The following ST8SIA1 variants were observed in gnomAD, a reference collection of about 807,000 sequenced individuals.
The protein encoded by ST8SIA1 is alpha-N-acetylneuraminide alpha-2,8-sialyltransferase.
Under a neutral mutation model 35.9 loss-of-function variants are expected in ST8SIA1, and 16 were observed. The observed-to-expected ratio is 0.45, with a 90% CI of 0.30 to 0.68. The LOEUF is 0.68. ST8SIA1 is among the 30% of genes least tolerant of loss of function. The pLI is 0.09. For synonymous variants in ST8SIA1, 170 were observed against 169.6 expected (o/e 1.00, Z -0.02); for missense variants, 383 against 453.6 (o/e 0.84, Z 1.41).
At chr12:22,281,368 C>G (rs533684906) in intron 2 of ST8SIA1, among the ~76,000 whole-genome samples, 1 of 152,246 alleles carries the variant, frequency 6.6e-6, no homozygotes, top group South Asian at 2.1e-4. Flanking sequence ...AAAGGCCAGG[C>G]TTAGGATCCA....
In ST8SIA1 at chr12:22,273,634, C is replaced by T. The variant is rs144211199; in HGVS notation, c.381+13515G>A. Among the ~76,000 whole-genome samples the T allele has an allele frequency of 3.8e-4, 58 of 152,296 alleles. 2 individuals carry two copies. Among genetic ancestry groups the T allele is most frequent in the African/African-American group, 1.4e-3 (57 of 41,564 alleles). On this transcript the variant is annotated intron_variant, in intron 2 of 4. Transcript: ENST00000396037. ...CTGCTTCCAATGTGAGGATTTTCCC[C>T]TCCACTCTCTATTAATGAACTCCAA...
intron 2 of ST8SIA1, among the ~76,000 whole-genome samples, chr12:22,261,353 G>A (rs1259867458): frequency 2.6e-5 from 4 of 152,012 alleles, no homozygotes; most frequent in Non-Finnish European, 5.9e-5. Context: ...CACCATGTTG[G>A]CCAGACTTCA....
intron 4 of ST8SIA1, among the ~76,000 whole-genome samples, chr12:22,240,051 A>G (rs886778356): frequency 6.6e-6 from 1 of 152,176 alleles, no homozygotes. Context: ...TGTATTAAAT[A>G]ATATGTTTTA....
At chr12:22,246,633 A>G (rs1322737764) in intron 4 of ST8SIA1, among the ~76,000 whole-genome samples, 1 of 151,840 alleles carries the variant, frequency 6.6e-6, no homozygotes, top group Middle Eastern at 3.5e-3. Context: ...TAGTGTGAGA[A>G]CAGAGGAAAA....
At chr12:22,277,865 C>T (rs1397007085) in intron 2 of ST8SIA1, among the ~76,000 whole-genome samples, 2 of 152,018 alleles carry the variant, frequency 1.3e-5, no homozygotes, top group African/African-American at 4.8e-5. Flanking sequence ...AGTGTCATTA[C>T]CTGAGATCAG....
At chr12:22,270,299 A>G (rs1410864028) in intron 2 of ST8SIA1, among the ~76,000 whole-genome samples, 4 of 152,332 alleles carry the variant, frequency 2.6e-5, no homozygotes, top group South Asian at 2.1e-4. Context: ...CAGATAATGC[A>G]TGCAAAACAT....
rs1401981038 is a variant in ST8SIA1 at position 22,201,414 on chromosome 12, C to T, written c.*138G>A. On this transcript the variant is annotated 3_prime_UTR_variant, in exon 5 of 5. Transcript: ENST00000396037. The stretch of plus-strand genomic sequence containing the variant: ...AGCCAACGCTGAAAGTAAAGTTTTG[C>T]TTGGATCTTCATTGCTCCTTTCCTG... The T allele has an allele frequency of 2.5e-6, 3 of 1,220,770 alleles. No individual in the cohort carries two copies. Among genetic ancestry groups the T allele is most frequent in the African/African-American group, 3.0e-5 (2 of 65,580 alleles). The allele number at this position is 1,220,770 out of a possible 1,614,324, so 75.6% of individuals were successfully genotyped here.
At chr12:22,246,005 T>A (rs1370683356) in intron 4 of ST8SIA1, among the ~76,000 whole-genome samples, 3 of 152,212 alleles carry the variant, frequency 2.0e-5, no homozygotes, top group Admixed American at 6.5e-5. Context: ...TTCATCTGAA[T>A]CCTTTGTAAC....
intron 1 of ST8SIA1, among the ~76,000 whole-genome samples, chr12:22,295,374 T>C (rs529769691): frequency 6.6e-6 from 1 of 152,146 alleles, no homozygotes; most frequent in Non-Finnish European, 1.5e-5. Context: ...TTAAAATTTA[T>C]TTAATGTAAG....
chr12:22,257,097 T>C (rs1173936311), intron 2 of ST8SIA1, among the ~76,000 whole-genome samples: 2 of 152,124 alleles, frequency 1.3e-5, no homozygotes, highest in East Asian at 3.9e-4. Context: ...AGATGATAAG[T>C]AAAGATAAAT....
At chr12:22,266,295 T>C (rs985712209) in intron 2 of ST8SIA1, among the ~76,000 whole-genome samples, 4 of 151,944 alleles carry the variant, frequency 2.6e-5, no homozygotes, top group African/African-American at 7.3e-5. Context: ...CCGGAATTCA[T>C]TTATGCCCCA....
rs932867627 is a variant in ST8SIA1, at chr12:22,194,813, C to T, written c.*6739G>A. The T allele has an allele frequency of 2.6e-5, 4 of 152,142 alleles. No individual in the cohort carries two copies. The highest frequency in any genetic ancestry group is 5.9e-5 in the Non-Finnish European group (4 of 68,056). The allele number at this position is 152,142 out of a possible 1,614,324, so 9.4% of individuals were successfully genotyped here. A position where few individuals can be genotyped will look rare whatever the true frequency, so the allele number is the denominator to read the frequency against. ...AAAGTGACACTTGCTGCTATCACTGCCTCATCATGACAGATGTAAATAATA... is the reference window on the plus strand; with the variant it reads ...AAAGTGACACTTGCTGCTATCACTGTCTCATCATGACAGATGTAAATAATA... On this transcript the variant is annotated 3_prime_UTR_variant, in exon 5 of 5. Transcript: ENST00000396037.
Position 22,193,702 on chromosome 12 carries a change from A to G in ST8SIA1, c.*7850T>C, listed in dbSNP as rs904020018. 5.9e-5 allele frequency: 9 copies of G among 152,192 alleles called. No individual in the cohort carries two copies. Among genetic ancestry groups the G allele is most frequent in the African/African-American group, 2.2e-4 (9 of 41,454 alleles). 9.4% of individuals were successfully genotyped at this position (152,192 alleles called of 1,614,324 possible). On this transcript the variant is annotated 3_prime_UTR_variant, in exon 5 of 5. Coordinates refer to ENST00000396037, the MANE Select transcript of ST8SIA1 (RefSeq NM_003034.4). ...AAACTCTACAAAAAGAATTGAGCAC[A>G]CTGATTTTCTCCACACTTTTTGCCA...
intron 4 of ST8SIA1, among the ~76,000 whole-genome samples, chr12:22,211,846 G>C (rs1865179253): frequency 6.6e-6 from 1 of 152,112 alleles, no homozygotes; most frequent in Admixed American, 6.6e-5. Context: ...CGAGTAGCTG[G>C]GACTTCAGGT....
intron 4 of ST8SIA1, among the ~76,000 whole-genome samples, chr12:22,225,646 C>T (rs1025708893): frequency 8.5e-5 from 13 of 152,118 alleles, no homozygotes; most frequent in Non-Finnish European, 1.8e-4. Flanking sequence ...AACACTTTTC[C>T]GCAGGACAGA....
chr12:22,316,634 C>T (rs1466161484), intron 1 of ST8SIA1, among the ~76,000 whole-genome samples: 2 of 151,786 alleles, frequency 1.3e-5, no homozygotes, highest in Admixed American at 1.3e-4. Flanking sequence ...TTTTTAAAGT[C>T]GTTATGGAAA....
chr12:22,283,967 A>G (rs1011078583), intron 2 of ST8SIA1, among the ~76,000 whole-genome samples: 1 of 152,242 alleles, frequency 6.6e-6, no homozygotes, highest in Admixed American at 6.5e-5. Flanking sequence ...AATTGAATAA[A>G]TTTGAACAGA....
At chr12:22,217,677 C>T (rs1865249013) in intron 4 of ST8SIA1, among the ~76,000 whole-genome samples, 1 of 152,190 alleles carries the variant, frequency 6.6e-6, no homozygotes, top group Non-Finnish European at 1.5e-5. Flanking sequence ...ATGTATAACA[C>T]ACTTAGAATA....
chr12:22,285,886 A>AAAAAAAACAAAAAAAAAAAC (rs1565586767), intron 2 of ST8SIA1, among the ~76,000 whole-genome samples: 1,982 of 109,728 alleles, frequency 0.018, 45 homozygotes, highest in African/African-American at 0.053. Flanking sequence ...ACAAAAAAAA[A>AAAAAAAACAAAAAAAAAAAC]AAAAAAAAAA....
Sources: allele counts gnomAD v4.1 joint callset (sites outside exome capture counted in the v4.1 genomes callset), GRCh38; gene constraint gnomAD v4.1.1; transcripts MANE v1.5; gene names NCBI Gene and HGNC (gene_info 2026-07-23, HGNC 2026-07-21).